ATP8A1: variants seen among roughly 807,000 people sequenced by gnomAD.
The protein encoded by ATP8A1 is ATPase phospholipid transporting 8A1, also known as phospholipid-transporting ATPase IA.
ATP8A1 carries 90 observed loss-of-function variants against 177.7 expected under a neutral mutation model. The observed-to-expected ratio is 0.51, with a 90% CI of 0.43 to 0.60. The LOEUF (loss-of-function observed/expected upper bound fraction) is 0.60, where lower values mean the gene tolerates loss of function less well. ATP8A1 is among the 20% of genes least tolerant of loss of function. The probability of loss-of-function intolerance (pLI) is 0.00; values close to 1 mark genes in which losing one functional copy is unlikely to be tolerated. For synonymous variants in ATP8A1, 493 were observed against 485.9 expected, an observed-to-expected ratio of 1.01 and a Z score of -0.19; for missense variants, 1,072 against 1,392.8, an observed-to-expected ratio of 0.77 and a Z score of 3.67.
chr4:42,522,106 C>A lies in ATP8A1; in HGVS notation c.1947+54G>T, dbSNP rs1342748289. On this transcript the variant is annotated intron_variant, in intron 22 of 36. Coordinates refer to ENST00000381668, the MANE Select transcript of ATP8A1 (RefSeq NM_006095.2). ...TTCCATTGGTTCCTTGAATAAAGAT[C>A]AAAACTATCTGGAAACCAAACCCTC... 3 of 1,552,336 alleles carry A rather than the reference C, an allele frequency of 1.9e-6. No individual in the cohort carries two copies. In the African/African-American group the frequency reaches 4.2e-5, roughly 22 times the overall value.
At chr4:42,548,571 T>C (rs1729164595) in intron 19 of ATP8A1, among the ~76,000 whole-genome samples, 1 of 152,202 alleles carries the variant, frequency 6.6e-6, no homozygotes, top group Admixed American at 6.5e-5. Context: ...TCCTCTCTTC[T>C]AGTATTTTGA....
At chr4:42,566,493 G>A (rs983992125) in intron 15 of ATP8A1, among the ~76,000 whole-genome samples, 2 of 152,162 alleles carry the variant, frequency 1.3e-5, no homozygotes, top group South Asian at 2.1e-4. Context: ...GAAACCAAGT[G>A]GATGAGGTTG....
chr4:42,471,508 A>T (rs1020698890), intron 25 of ATP8A1, among the ~76,000 whole-genome samples: 1 of 152,230 alleles, frequency 6.6e-6, no homozygotes, highest in African/African-American at 2.4e-5. Context: ...AATGATTCAG[A>T]TAAGTAGTTT....
intron 5 of ATP8A1, among the ~76,000 whole-genome samples, chr4:42,615,487 CTTGTA>C (rs1296776886): frequency 6.6e-6 from 1 of 151,988 alleles, no homozygotes; most frequent in Non-Finnish European, 1.5e-5. Flanking sequence ...GGCGAATTTG[CTTGTA>C]TTGAAGATCA....
chr4:42,618,341 C>T (rs369073977), intron 4 of ATP8A1, among the ~76,000 whole-genome samples: 6 of 152,182 alleles, frequency 3.9e-5, no homozygotes, highest in South Asian at 4.1e-4. Context: ...TCTTTCATAC[C>T]TGCAGTTTCA....
At chr4:42,448,186 T>C (rs1329455192) in intron 30 of ATP8A1, among the ~76,000 whole-genome samples, 3 of 152,264 alleles carry the variant, frequency 2.0e-5, no homozygotes, top group African/African-American at 7.2e-5. Flanking sequence ...AAAAATGGTA[T>C]TGTTTGGGTT....
At chr4:42,479,280 ATACT>A (rs1272496831) in intron 25 of ATP8A1, among the ~76,000 whole-genome samples, 3 of 152,218 alleles carry the variant, frequency 2.0e-5, no homozygotes, top group Admixed American at 6.5e-5. Context: ...AAGCCTACAG[ATACT>A]TACTATCTGT....
chr4:42,525,730 T>C (rs1425757098), intron 20 of ATP8A1, among the ~76,000 whole-genome samples: 1 of 152,162 alleles, frequency 6.6e-6, no homozygotes, highest in Admixed American at 6.5e-5. Context: ...CAGGAAAAAA[T>C]AAATCACTTA....
intron 15 of ATP8A1, among the ~76,000 whole-genome samples, chr4:42,564,237 G>A (rs980460165): frequency 6.6e-6 from 1 of 152,178 alleles, no homozygotes; most frequent in Non-Finnish European, 1.5e-5. Flanking sequence ...AGTGCAGAAG[G>A]AAAATGTGGG....
chr4:42,643,129 A>G (rs937923096), intron 1 of ATP8A1, among the ~76,000 whole-genome samples: 6 of 152,236 alleles, frequency 3.9e-5, no homozygotes, highest in African/African-American at 1.4e-4. Context: ...AAGTCCTGGC[A>G]ATGTAATTAT....
chr4:42,512,577 A>T (rs1725112805), intron 22 of ATP8A1, among the ~76,000 whole-genome samples: 1 of 152,178 alleles, frequency 6.6e-6, no homozygotes, highest in African/African-American at 2.4e-5. Context: ...CTCTCCTTGG[A>T]TTCCTGGCTG....
chr4:42,616,273 A>G (rs1736908124), intron 4 of ATP8A1, among the ~76,000 whole-genome samples, 195 bp from the exon 5 acceptor site: 1 of 152,202 alleles, frequency 6.6e-6, no homozygotes, highest in Non-Finnish European at 1.5e-5. Context: ...GAATTTTAAA[A>G]CTGAAAGAAC....
At chr4:42,601,706 T>C (rs1735292718) in intron 5 of ATP8A1, among the ~76,000 whole-genome samples, 1 of 152,174 alleles carries the variant, frequency 6.6e-6, no homozygotes, top group African/African-American at 2.4e-5. Flanking sequence ...TAATATTATA[T>C]TCCCTGGAAA....
At chr4:42,439,879 G>A (rs755486053) in intron 33 of ATP8A1, among the ~76,000 whole-genome samples, 76 of 152,174 alleles carry the variant, frequency 5.0e-4, no homozygotes, top group Non-Finnish European at 6.8e-4. Flanking sequence ...ACAGGGCAAC[G>A]TTTAAGGTAG....
intron 5 of ATP8A1, among the ~76,000 whole-genome samples, chr4:42,604,201 GGGGACA>G (rs1735570639): frequency 6.7e-6 from 1 of 149,544 alleles, no homozygotes; most frequent in Non-Finnish European, 1.5e-5. Flanking sequence ...CACTTTCTCA[GGGGACA>G]TTGTGTTGAC....
At chr4:42,581,158 G>T (rs1285598114) in intron 10 of ATP8A1, among the ~76,000 whole-genome samples, 1 of 151,710 alleles carries the variant, frequency 6.6e-6, no homozygotes, top group Admixed American at 6.6e-5. Context: ...TTTTGAGACG[G>T]AGTCTTGCTC....
chr4:42,445,462 G>A (rs1209729269), intron 31 of ATP8A1, among the ~76,000 whole-genome samples: 3 of 152,156 alleles, frequency 2.0e-5, no homozygotes, highest in African/African-American at 7.2e-5. Context: ...GATTAACATG[G>A]AATATTATTT....
rs542938409 is a variant in ATP8A1, at chr4:42,414,380, G to A, written c.3397+247C>T. Among the ~76,000 whole-genome samples the A allele has an allele frequency of 2.0e-5, 3 of 152,304 alleles. No individual in the cohort carries two copies. In the South Asian group the frequency reaches 6.2e-4, roughly 32 times the overall value. Reference sequence around the variant, plus strand: ...GCTTTAAAGAAAAAGATTTGAGGAAGCAAGGAATGTGGAAATACTGTTTTT... The same window carrying A: ...GCTTTAAAGAAAAAGATTTGAGGAAACAAGGAATGTGGAAATACTGTTTTT... On this transcript the variant is annotated intron_variant, in intron 36 of 36. Transcript: ENST00000381668.
chr4:42,590,916 GC>G, intron 6 of ATP8A1, 32 bp from the exon 7 acceptor site: 1 of 1,339,990 alleles, frequency 7.5e-7, no homozygotes, highest in Non-Finnish European at 9.9e-7. Flanking sequence ...AATTAAAATG[GC>G]CAAAAAAAAA....
Sources: allele counts gnomAD v4.1 joint callset (sites outside exome capture counted in the v4.1 genomes callset), GRCh38; gene constraint gnomAD v4.1.1; transcripts MANE v1.5; gene names NCBI Gene and HGNC (gene_info 2026-07-23, HGNC 2026-07-21).